PDE3B: variants seen among roughly 807,000 people sequenced by gnomAD.
PDE3B encodes the protein cGMP-inhibited 3',5'-cyclic phosphodiesterase 3B.
PDE3B carries 66 observed loss-of-function variants against 116.8 expected under a neutral mutation model. That is an observed-to-expected ratio of 0.56 (90% CI 0.46 to 0.69). The LOEUF is 0.69. Among genes scored for constraint, PDE3B ranks in the 30% least tolerant of loss-of-function variants. PDE3B has a pLI of 0.00. For synonymous variants in PDE3B, 595 were observed against 533.6 expected (o/e 1.12, Z -1.59); for missense variants, 1,384 against 1,368.1 (o/e 1.01, Z -0.18).
chr11:14,853,894 A>G (rs1555005692), intron 12 of PDE3B, among the ~76,000 whole-genome samples: 1 of 152,180 alleles, frequency 6.6e-6, no homozygotes, highest in East Asian at 1.9e-4. Flanking sequence ...TTTTTATGAG[A>G]CTGGGTAAAA....
At chr11:14,701,229 C>T (rs1378512379) in intron 1 of PDE3B, among the ~76,000 whole-genome samples, 1 of 151,648 alleles carries the variant, frequency 6.6e-6, no homozygotes, top group Non-Finnish European at 1.5e-5. Context: ...ATAAGTTTCA[C>T]TATTTTTCTT....
intron 1 of PDE3B, among the ~76,000 whole-genome samples, chr11:14,662,595 A>G (rs1853966384): frequency 6.6e-6 from 1 of 152,180 alleles, no homozygotes; most frequent in African/African-American, 2.4e-5. Flanking sequence ...AGAATAACCA[A>G]TACAGAGAAG....
intron 4 of PDE3B, among the ~76,000 whole-genome samples, chr11:14,793,059 G>T (rs1033573131): frequency 1.1e-4 from 17 of 152,174 alleles, no homozygotes; most frequent in African/African-American, 4.1e-4. Flanking sequence ...CAAGTGTCCT[G>T]CAGAGGTATG....
At chr11:14,645,744 A>G (rs1322558682) in intron 1 of PDE3B, among the ~76,000 whole-genome samples, 2 of 151,664 alleles carry the variant, frequency 1.3e-5, no homozygotes, top group African/African-American at 4.8e-5. Context: ...AAGCATTTCC[A>G]TTTTTTCACC....
intron 1 of PDE3B, among the ~76,000 whole-genome samples, chr11:14,735,430 G>T (rs1174445342): frequency 6.6e-6 from 1 of 152,112 alleles, no homozygotes; most frequent in South Asian, 2.1e-4. Flanking sequence ...TTTTAAAAAT[G>T]ATTACAAGAT....
At chr11:14,815,476 T>A (rs1162122035) in intron 5 of PDE3B, among the ~76,000 whole-genome samples, 1 of 152,118 alleles carries the variant, frequency 6.6e-6, no homozygotes, top group East Asian at 1.9e-4. Flanking sequence ...TGGCTCTGGG[T>A]TCTTGATGGC....
chr11:14,759,714 A>C (rs1266735922), intron 1 of PDE3B, among the ~76,000 whole-genome samples: 2 of 151,838 alleles, frequency 1.3e-5, no homozygotes, highest in East Asian at 3.9e-4. Context: ...ACGCCCAGCT[A>C]ATTTTTGTAT....
Position 14,867,674 on chromosome 11 carries a change from G to C in PDE3B, c.3055G>C (p.Asp1019His), listed in dbSNP as rs782453136. ...LPGQWLEAEEDNDTESGDDED... is the reference protein window; with the variant it reads ...LPGQWLEAEEHNDTESGDDED... ...AGGTCAGTGGTTAGAAGCAGAAGAG[G>C]ATAATGATACTGAAAGTGGTGATGA... The change falls in exon 15 of 16, where the codon GAT becomes CAT. Residue 1019 changes from aspartate (D) to histidine (H), a missense_variant. Transcript: ENST00000282096. 7.4e-6 allele frequency: 12 copies of C among 1,613,876 alleles called. No homozygotes were observed. In the South Asian group the frequency reaches 1.2e-4, roughly 16 times the overall value.
intron 1 of PDE3B, among the ~76,000 whole-genome samples, chr11:14,665,547 G>A (rs368112952): frequency 0.082 from 12,427 of 152,232 alleles, 533 homozygotes; most frequent in Middle Eastern, 0.13. Context: ...ATCTCCTTAA[G>A]CTGATAAGCA....
chr11:14,816,946 C>T (rs1859350890), intron 5 of PDE3B, among the ~76,000 whole-genome samples: 1 of 152,160 alleles, frequency 6.6e-6, no homozygotes, highest in African/African-American at 2.4e-5. Context: ...GGTATATACC[C>T]AAAGGATTAT....
intron 2 of PDE3B, among the ~76,000 whole-genome samples, chr11:14,781,960 A>G (rs932833337): frequency 2.0e-5 from 3 of 152,254 alleles, no homozygotes; most frequent in Admixed American, 6.5e-5. Flanking sequence ...CAACTTCAGC[A>G]AAGTCTCAGG....
chr11:14,890,877 T>C, the PDE3B span: 1 of 985,378 alleles, frequency 1.0e-6, no homozygotes, highest in Non-Finnish European at 1.2e-6. Context: ...AAAATTGGTT[T>C]AAGTAAGGAT....
At chr11:14,680,520 G>A (rs189144415) in intron 1 of PDE3B, among the ~76,000 whole-genome samples, 21 of 152,248 alleles carry the variant, frequency 1.4e-4, no homozygotes, top group Non-Finnish European at 2.4e-4. Flanking sequence ...AGTAGAACCG[G>A]CAAGTTTGTA....
In PDE3B at chr11:14,832,751, T is replaced by C. The variant is rs946279825; in HGVS notation, c.2124T>C (p.Gly708=). The C allele has an allele frequency of 2.0e-6, 3 of 1,480,326 alleles. No homozygotes were observed. Among genetic ancestry groups the C allele is most frequent in the East Asian group, 2.3e-5 (1 of 43,198 alleles). The allele number at this position is 1,480,326 out of a possible 1,614,324, so 91.7% of individuals were successfully genotyped here. The change falls in exon 10 of 16, where the codon GGT becomes GGC. Residue 708 remains glycine, a synonymous_variant. Transcript: ENST00000282096. ...QVMYTLFQDT[G]LLEIFKIPTQ... is the part of the protein sequence containing the mutation. Reference sequence around the variant, plus strand: ...TGTATACCTTATTTCAAGACACTGGTTTATTGGAAATATTTAAAATTCCCA... The same window carrying C: ...TGTATACCTTATTTCAAGACACTGGCTTATTGGAAATATTTAAAATTCCCA...
intron 1 of PDE3B, chr11:14,700,530 A>G (rs1408814289): frequency 6.6e-6 from 1 of 151,866 alleles, no homozygotes; most frequent in African/African-American, 2.4e-5. Context: ...AGTATAGAAA[A>G]GGCATGCCAG....
At chr11:14,897,627 C>T in the PDE3B span, among the ~76,000 whole-genome samples, 1 of 152,156 alleles carries the variant, frequency 6.6e-6, no homozygotes, top group African/African-American at 2.4e-5. Flanking sequence ...GGGACATTTG[C>T]AGATGGTTGG....
At chr11:14,749,982 A>T (rs1428274980) in intron 1 of PDE3B, among the ~76,000 whole-genome samples, 3 of 145,354 alleles carry the variant, frequency 2.1e-5, no homozygotes, top group African/African-American at 7.7e-5. Flanking sequence ...GAGAGCCAGT[A>T]GTGTAAGTTC....
intron 1 of PDE3B, among the ~76,000 whole-genome samples, chr11:14,735,483 A>C (rs1856570869): frequency 6.6e-6 from 1 of 152,202 alleles, no homozygotes; most frequent in Admixed American, 6.5e-5. Context: ...GGTGAAAACT[A>C]TCAAATATAA....
chr11:14,854,237 G>A (rs1420554381), intron 12 of PDE3B, among the ~76,000 whole-genome samples: 7 of 152,130 alleles, frequency 4.6e-5, no homozygotes, highest in Non-Finnish European at 1.0e-4. Context: ...TTTATGCAGA[G>A]TGACTAAAAC....
Sources: gnomAD v4.1 joint callset for allele counts (sites outside exome capture counted in the v4.1 genomes callset) on GRCh38, gnomAD v4.1.1 for gene constraint, MANE v1.5 for transcripts, NCBI Gene and HGNC (gene_info 2026-07-23, HGNC 2026-07-21) for gene names.